The following TFEC variants were observed in gnomAD, a reference collection of about 807,000 sequenced individuals.
TFEC encodes the protein class E basic helix-loop-helix protein 34.
A neutral mutation model predicts 41.6 loss-of-function variants in TFEC; 31 were observed. The observed-to-expected ratio is 0.74, with a 90% CI of 0.56 to 1.01. TFEC has a LOEUF of 1.01. Ranked by LOEUF, TFEC falls within the 50% of genes least tolerant of loss-of-function variation. TFEC has a pLI of 0.00. For missense variants in TFEC, 402 were observed against 404.1 expected, an observed-to-expected ratio of 0.99 and a Z score of 0.04; for synonymous variants, 143 against 140.6, an observed-to-expected ratio of 1.02 and a Z score of -0.12.
intron 1 of TFEC, among the ~76,000 whole-genome samples, chr7:116,153,622 T>C (rs1267495169): frequency 6.6e-6 from 1 of 152,084 alleles, no homozygotes; most frequent in Non-Finnish European, 1.5e-5. Flanking sequence ...CCTCTGATCA[T>C]TCACTTTACC....
chr7:116,061,156 C>A (rs908059633), intron 3 of TFEC, among the ~76,000 whole-genome samples: 6 of 151,900 alleles, frequency 3.9e-5, no homozygotes, highest in African/African-American at 1.5e-4. Context: ...ATGTAAATAG[C>A]CAAAATAATG....
chr7:116,113,681 G>C (rs886370288), intron 1 of TFEC, among the ~76,000 whole-genome samples: 1 of 151,958 alleles, frequency 6.6e-6, no homozygotes, highest in Non-Finnish European at 1.5e-5. Context: ...TTCTTATAAT[G>C]CGTTCACTGA....
chr7:115,994,561 C>G (rs1794276590), intron 1 of TFEC, among the ~76,000 whole-genome samples: 1 of 152,180 alleles, frequency 6.6e-6, no homozygotes, highest in Non-Finnish European at 1.5e-5. Flanking sequence ...TGAACAGACA[C>G]TTCTCAAAAC....
At chr7:115,969,597 G>A (rs908546425) in intron 3 of TFEC, among the ~76,000 whole-genome samples, 4 of 151,960 alleles carry the variant, frequency 2.6e-5, no homozygotes, top group South Asian at 2.1e-4. Flanking sequence ...AAAGGGAAGT[G>A]CTGACTATAA....
intron 3 of TFEC, among the ~76,000 whole-genome samples, chr7:116,079,145 AC>A (rs752628862): frequency 6.6e-6 from 1 of 152,074 alleles, no homozygotes; most frequent in Non-Finnish European, 1.5e-5. Context: ...TATGATTAAA[AC>A]CCTCAGCAAA....
chr7:115,955,300 C>A (rs1354597808), intron 4 of TFEC, among the ~76,000 whole-genome samples: 1 of 152,046 alleles, frequency 6.6e-6, no homozygotes, highest in African/African-American at 2.4e-5. Flanking sequence ...ACCTGTGAAG[C>A]CACTAGCTTG....
chr7:115,948,420 C>T (rs1484279555), intron 6 of TFEC, among the ~76,000 whole-genome samples: 1 of 152,156 alleles, frequency 6.6e-6, no homozygotes, highest in Non-Finnish European at 1.5e-5. Flanking sequence ...GACCAATACA[C>T]TTGATGAACA....
At chr7:116,105,149 G>C (rs1331198838) in intron 3 of TFEC, among the ~76,000 whole-genome samples, 7 of 152,078 alleles carry the variant, frequency 4.6e-5, no homozygotes, top group African/African-American at 1.2e-4. Flanking sequence ...GAAGTTTCTA[G>C]AAGACCAAGA....
At chr7:116,112,612 G>T (rs1011055891) in intron 1 of TFEC, among the ~76,000 whole-genome samples, 17 of 151,798 alleles carry the variant, frequency 1.1e-4, no homozygotes, top group Admixed American at 1.3e-4. Context: ...GGAAAGGGAA[G>T]ATGTTTCTAG....
chr7:115,982,133 G>A (rs1793656520), intron 2 of TFEC, among the ~76,000 whole-genome samples: 1 of 151,680 alleles, frequency 6.6e-6, no homozygotes, highest in African/African-American at 2.4e-5. Context: ...TTATCCTGTG[G>A]TAGCTATGAT....
rs985753969 is a variant in TFEC at position 116,116,501 on chromosome 7, G to A, written c.-68-4463C>T. 2.6e-5 allele frequency among the ~76,000 whole-genome samples: 4 copies of A among 152,010 alleles called. No homozygotes were observed. In the East Asian group the frequency reaches 5.8e-4, roughly 22 times the overall value. The stretch of plus-strand genomic sequence containing the variant: ...TGCCCCAGAGTTTTGTAAGCTTTCA[G>A]TAAGTTGAAATGTTCAAGCACAAGC... On this transcript the variant is annotated intron_variant, in intron 1 of 8. Coordinates refer to the TFEC transcript ENST00000484212.
At chr7:116,155,183 A>G (rs1798844312) in intron 1 of TFEC, among the ~76,000 whole-genome samples, 1 of 152,194 alleles carries the variant, frequency 6.6e-6, no homozygotes, top group South Asian at 2.1e-4. Flanking sequence ...AATGCTACAT[A>G]TGTGGTCCAA....
intron 1 of TFEC, among the ~76,000 whole-genome samples, chr7:115,991,389 T>C (rs1365564722): frequency 1.3e-5 from 2 of 152,144 alleles, no homozygotes; most frequent in African/African-American, 4.8e-5. Context: ...TAACCTTAAA[T>C]GTAAATGGGC....
chr7:116,084,987 TATAA>T (rs2131069123), intron 3 of TFEC, among the ~76,000 whole-genome samples: 1 of 151,958 alleles, frequency 6.6e-6, no homozygotes, highest in South Asian at 2.1e-4. Context: ...AAGACCAACA[TATAA>T]ATAAACACAA....
At chr7:116,114,902 AC>A (rs1220294097) in intron 1 of TFEC, among the ~76,000 whole-genome samples, 1 of 149,302 alleles carries the variant, frequency 6.7e-6, no homozygotes, top group South Asian at 2.2e-4. Context: ...CCTCCCCGCC[AC>A]CCCCCAGTAA....
At chr7:115,996,466 A>C (rs560468734) in intron 1 of TFEC, among the ~76,000 whole-genome samples, 107 of 152,114 alleles carry the variant, frequency 7.0e-4, no homozygotes, top group Non-Finnish European at 1.4e-3. Context: ...AGTGAGACTC[A>C]GAGACATGCT....
intron 3 of TFEC, among the ~76,000 whole-genome samples, chr7:116,050,614 G>T (rs1269060186): frequency 2.6e-5 from 4 of 152,122 alleles, no homozygotes; most frequent in Admixed American, 2.0e-4. Context: ...CTCACACCAG[G>T]TAGAATGGCA....
At chr7:116,078,496 G>GGAGATATTAC (rs1171960392) in intron 3 of TFEC, among the ~76,000 whole-genome samples, 3 of 151,742 alleles carry the variant, frequency 2.0e-5, no homozygotes, top group Non-Finnish European at 4.4e-5. Flanking sequence ...AAATGAAACA[G>GGAGATATTAC]GAGATATTAC....
In TFEC at chr7:115,940,683, C is replaced by T; in HGVS notation, c.912G>A (p.Leu304=). The T allele has an allele frequency of 6.2e-7, 1 of 1,613,580 alleles. No homozygotes were observed. The highest frequency in any genetic ancestry group is 1.1e-5 in the South Asian group (1 of 91,076). ...TTGTGTCATCCAATAGCATGCCATC[C>T]AATCTTTGTTCCTCTTTCAATGCAG... ...FSAALKEEQR[L]DGMLLDDTIS... Residue 304 remains leucine, a synonymous_variant, in exon 8 of 8, where the codon TTG becomes TTA. Transcript: ENST00000265440.
Sources: gnomAD v4.1 joint callset for allele counts (sites outside exome capture counted in the v4.1 genomes callset) on GRCh38, gnomAD v4.1.1 for gene constraint, MANE v1.5 for transcripts, NCBI Gene and HGNC (gene_info 2026-07-23, HGNC 2026-07-21) for gene names.